The following ITGB5 variants were observed in gnomAD, a reference collection of about 807,000 sequenced individuals.
The protein encoded by ITGB5 is integrin subunit beta 5.
A neutral mutation model predicts 84.8 loss-of-function variants in ITGB5; 38 were observed. The observed-to-expected ratio is 0.45, with a 90% CI of 0.35 to 0.59. The LOEUF is 0.59. Among genes scored for constraint, ITGB5 ranks in the 20% least tolerant of loss-of-function variants. The pLI is 0.01. For missense variants in ITGB5, 905 were observed against 1,034.5 expected (o/e 0.87, Z 1.72); for synonymous variants, 393 against 414.4 (o/e 0.95, Z 0.63).
At chr3:124,763,818 G>A (rs2063728390) in intron 14 of ITGB5, 100 bp from the exon 15 acceptor site, 1 of 678,718 alleles carries the variant, frequency 1.5e-6, no homozygotes, top group Non-Finnish European at 2.7e-6. Flanking sequence ...TCAGCCCCCT[G>A]CGACAGCAGC....
chr3:124,838,791 C>T (rs1356327321), intron 5 of ITGB5, among the ~76,000 whole-genome samples: 1 of 152,042 alleles, frequency 6.6e-6, no homozygotes, highest in Non-Finnish European at 1.5e-5. Context: ...TTAGTAGAGA[C>T]GGGGTTTCAC....
At chr3:124,842,270 G>A (rs1020953904) in intron 4 of ITGB5, among the ~76,000 whole-genome samples, 7 of 152,206 alleles carry the variant, frequency 4.6e-5, no homozygotes, top group Non-Finnish European at 1.0e-4. Context: ...ATCAATAATA[G>A]GTTAATACCA....
chr3:124,884,010 AGT>A (rs2107653462), intron 1 of ITGB5, among the ~76,000 whole-genome samples: 1 of 152,262 alleles, frequency 6.6e-6, no homozygotes, highest in African/African-American at 2.4e-5. Context: ...CTGAGATGAA[AGT>A]GGGGTTAGAG....
At chr3:124,841,314 T>C (rs986293031) in intron 5 of ITGB5, 69 bp downstream of exon 5, 5 of 1,487,580 alleles carry the variant, frequency 3.4e-6, no homozygotes, top group Non-Finnish European at 4.6e-6. Context: ...CTGCAGGAAG[T>C]ACCAACACCC....
chr3:124,791,293 A>C (rs1212343629), intron 10 of ITGB5: 1 of 152,226 alleles, frequency 6.6e-6, no homozygotes, highest in Admixed American at 6.5e-5. Context: ...CTCTAAGTCA[A>C]GCTGCCTCTA....
At position 124,859,813 on chromosome 3, in the gene ITGB5, T is replaced by C. The variant is rs28650257; in HGVS notation, c.157-367A>G. 3.0e-3 allele frequency among the ~76,000 whole-genome samples: 454 copies of C among 152,370 alleles called. 1 individual carries two copies. The highest frequency in any genetic ancestry group is 0.01 in the African/African-American group (435 of 41,580). ...AGTTGTTATATATTGCTGGGCATGG[T>C]GGCTCATGCCTGTAATCCCAGCTAT... On this transcript the variant is annotated intron_variant, in intron 2 of 14. Coordinates refer to ENST00000296181, the MANE Select transcript of ITGB5 (RefSeq NM_002213.5).
At position 124,884,548 on chromosome 3, in the gene ITGB5, A is replaced by G. The variant is rs531192327; in HGVS notation, c.70+2383T>C. Among the ~76,000 whole-genome samples the G allele has an allele frequency of 3.9e-5, 6 of 152,298 alleles. No individual in the cohort carries two copies. In the East Asian group the frequency reaches 1.2e-3, roughly 29 times the overall value. On this transcript the variant is annotated intron_variant, in intron 1 of 14. Coordinates refer to ENST00000296181, the MANE Select transcript of ITGB5 (RefSeq NM_002213.5). Reference sequence around the variant, plus strand: ...AAACCCTGTCTCTACTAAAAATACAAAATTAGCCAGGCGTGGTGGTACATG... The same window carrying G: ...AAACCCTGTCTCTACTAAAAATACAGAATTAGCCAGGCGTGGTGGTACATG...
chr3:124,817,530 G>C (rs1215938589), intron 8 of ITGB5, 91 bp downstream of exon 8: 5 of 661,394 alleles, frequency 7.6e-6, no homozygotes, highest in Admixed American at 6.0e-5. Context: ...GCAGCACGGA[G>C]AACTGCCCAC....
At chr3:124,774,532 C>A (rs919625995) in intron 10 of ITGB5, among the ~76,000 whole-genome samples, 1 of 152,170 alleles carries the variant, frequency 6.6e-6, no homozygotes, top group Non-Finnish European at 1.5e-5. Flanking sequence ...GAAGCCGATG[C>A]TCCCTGGGAG....
intron 5 of ITGB5, among the ~76,000 whole-genome samples, chr3:124,827,151 TAG>T (rs2064794898): frequency 6.6e-6 from 1 of 152,078 alleles, no homozygotes; most frequent in Non-Finnish European, 1.5e-5. Context: ...AAATGGAATA[TAG>T]CATGAGGGCC....
chr3:124,824,782 A>G (rs1447706681), intron 5 of ITGB5, among the ~76,000 whole-genome samples: 1 of 152,238 alleles, frequency 6.6e-6, no homozygotes, highest in African/African-American at 2.4e-5. Flanking sequence ...AGCACACAAA[A>G]GGGTTCTCAA....
At chr3:124,770,620 CGGA>C (rs2063827899) in intron 11 of ITGB5, among the ~76,000 whole-genome samples, 1 of 152,148 alleles carries the variant, frequency 6.6e-6, no homozygotes, top group African/African-American at 2.4e-5. Context: ...CTTTATTTTA[CGGA>C]GGAGAACTTG....
At chr3:124,850,177 GACA>G (rs1168490662) in intron 3 of ITGB5, among the ~76,000 whole-genome samples, 3 of 151,916 alleles carry the variant, frequency 2.0e-5, no homozygotes, top group Non-Finnish European at 2.9e-5. Context: ...CTCCCACCGT[GACA>G]ACAAGGCATA....
rs750179967 is a variant in ITGB5, at chr3:124,821,469, C to A, written c.786G>T (p.Lys262Asn). Residue 262 changes from lysine (K) to asparagine (N), a missense_variant, in exon 6 of 15, where the codon AAG becomes AAT. Lys to Asn is a moderately conservative substitution (Grantham distance 94). This residue lies in a region of ITGB5 where 656 missense variants were observed against 734.7 expected (regional missense o/e 0.89). Transcript: ENST00000296181. ...GCAGTGCATCCTTTCGCCAGCCAAT[C>A]TTCTCCTGAAGGACAGAAGGTGGAT... Reference protein sequence around the residue: ...AVLQAAVCKEKIGWRKDALHL... With the variant: ...AVLQAAVCKENIGWRKDALHL... 25 of 1,614,064 alleles carry A rather than the reference C, an allele frequency of 1.5e-5. No homozygotes were observed. The highest frequency in any genetic ancestry group is 2.0e-5 in the Non-Finnish European group (24 of 1,180,036).
At chr3:124,779,258 G>A (rs35473994) in intron 10 of ITGB5, among the ~76,000 whole-genome samples, 24,959 of 152,058 alleles carry the variant, frequency 0.16, 2,237 homozygotes, top group Admixed American at 0.25. Context: ...CAGGTCTTTG[G>A]GGAATGTAGG....
intron 2 of ITGB5, chr3:124,862,956 A>G (rs1383545939): frequency 6.6e-6 from 1 of 152,242 alleles, no homozygotes; most frequent in Admixed American, 6.5e-5. Flanking sequence ...AGACCAAGTC[A>G]GCAACATGAT....
intron 5 of ITGB5, among the ~76,000 whole-genome samples, chr3:124,831,311 G>A (rs1323147502): frequency 6.6e-6 from 1 of 152,180 alleles, no homozygotes; most frequent in Non-Finnish European, 1.5e-5. Context: ...GGCTGGAAAA[G>A]TGGCCTGTGG....
intron 1 of ITGB5, among the ~76,000 whole-genome samples, chr3:124,899,076 AAAAAAAAAAGAAAAGAAAAAAAAGAAAAG>A (rs1935169810): frequency 6.8e-6 from 1 of 146,584 alleles, no homozygotes; most frequent in African/African-American, 2.5e-5. Flanking sequence ...ACTCTGTCTC[AAAAAAAAAAGAAAAGAAAAAAAAGAAAAG>A]AAGAAAAAAG....
chr3:124,896,322 T>C (rs1935100146), intron 1 of ITGB5, among the ~76,000 whole-genome samples: 1 of 152,128 alleles, frequency 6.6e-6, no homozygotes, highest in Non-Finnish European at 1.5e-5. Context: ...TTGATCACTG[T>C]CCCCTCCAAT....
Sources: allele counts gnomAD v4.1 joint callset (sites outside exome capture counted in the v4.1 genomes callset), GRCh38; gene constraint gnomAD v4.1.1; regional missense constraint gnomAD v4.1.1; transcripts MANE v1.5; gene names NCBI Gene and HGNC (gene_info 2026-07-23, HGNC 2026-07-21).